AHCYL2: variants seen among roughly 807,000 people sequenced by gnomAD.
The protein encoded by AHCYL2 is S-adenosylhomocysteine hydrolase-like protein 2.
In AHCYL2, 28 loss-of-function variants were observed where a neutral mutation model predicts 81.4. The observed-to-expected ratio is 0.34, with a 90% CI of 0.25 to 0.47. The LOEUF is 0.47. Ranked by LOEUF, AHCYL2 falls within the 20% of genes least tolerant of loss-of-function variation. The probability of loss-of-function intolerance (pLI) is 1.00; values close to 1 mark genes in which losing one functional copy is unlikely to be tolerated. For synonymous variants in AHCYL2, 272 were observed against 290.2 expected (o/e 0.94, Z 0.64); for missense variants, 551 against 785.1 (o/e 0.70, Z 3.56).
chr7:129,357,880 G>A (rs555675356), intron 1 of AHCYL2, among the ~76,000 whole-genome samples: 1 of 151,090 alleles, frequency 6.6e-6, no homozygotes, highest in Non-Finnish European at 1.5e-5. Flanking sequence ...CTTGCAGTGA[G>A]CTGAGATCAG....
intron 1 of AHCYL2, among the ~76,000 whole-genome samples, chr7:129,245,738 G>T (rs886665739): frequency 1.3e-5 from 2 of 152,018 alleles, no homozygotes; most frequent in Non-Finnish European, 2.9e-5. Flanking sequence ...ACCACATTTT[G>T]TTTATTCATT....
At chr7:129,422,313 A>G (rs1797153176) in intron 12 of AHCYL2, among the ~76,000 whole-genome samples, 1 of 152,218 alleles carries the variant, frequency 6.6e-6, no homozygotes, top group African/African-American at 2.4e-5. Flanking sequence ...ACCTTCGGAT[A>G]TGAGGGCAGA....
intron 1 of AHCYL2, among the ~76,000 whole-genome samples, chr7:129,305,795 C>A (rs1797420011): frequency 6.6e-6 from 1 of 152,168 alleles, no homozygotes; most frequent in Admixed American, 6.5e-5. Context: ...TTGATGAAAT[C>A]CTTTAGCTTT....
intron 1 of AHCYL2, among the ~76,000 whole-genome samples, chr7:129,255,657 T>G (rs1795392714): frequency 6.6e-6 from 1 of 152,214 alleles, no homozygotes; most frequent in Admixed American, 6.5e-5. Context: ...AGGCCTGGGT[T>G]GATGAACTCA....
rs1001657979 is a variant in AHCYL2 at position 129,263,686 on chromosome 7, G to A, written c.363+38247G>A. ...TTTCCTTTGTGTCTGTAAGCTAATA[G>A]GAGAGTGTCATGATCAGATGTGCAT... On this transcript the variant is annotated intron_variant, in intron 1 of 16. Transcript: ENST00000325006. 4.6e-5 allele frequency among the ~76,000 whole-genome samples: 7 copies of A among 152,326 alleles called. No homozygotes were observed. In the East Asian group the frequency reaches 1.2e-3, roughly 25 times the overall value.
At chr7:129,328,646 CA>C (rs1380910090) in intron 1 of AHCYL2, among the ~76,000 whole-genome samples, 1 of 152,068 alleles carries the variant, frequency 6.6e-6, no homozygotes, top group Non-Finnish European at 1.5e-5. Context: ...CACTACCACC[CA>C]ACTAATTTTT....
intron 1 of AHCYL2, among the ~76,000 whole-genome samples, chr7:129,341,009 G>A (rs1036110581): frequency 4.6e-5 from 7 of 152,124 alleles, no homozygotes; most frequent in African/African-American, 1.7e-4. Context: ...TTGGAATCAA[G>A]GTTATGCTGG....
intron 1 of AHCYL2, among the ~76,000 whole-genome samples, chr7:129,371,243 G>T: frequency 6.6e-6 from 1 of 152,200 alleles, no homozygotes; most frequent in Non-Finnish European, 1.5e-5. Flanking sequence ...GGAAATATGA[G>T]AAGTCTCTCA....
rs192826320 is a variant in AHCYL2, at chr7:129,273,996, T to C, written c.363+48557T>C. Among the ~76,000 whole-genome samples the C allele has an allele frequency of 2.8e-3, 432 of 152,302 alleles. 4 individuals carry two copies. The highest frequency in any genetic ancestry group is 9.8e-3 in the African/African-American group (407 of 41,574). ...ATTGCAAAAATTAACCCATCTCTTA[T>C]GTAAAAAGAAGGTTAATTCAGAAAC... On this transcript the variant is annotated intron_variant, in intron 1 of 16. Transcript: ENST00000325006.
chr7:129,306,950 G>A (rs1237994476), intron 1 of AHCYL2, among the ~76,000 whole-genome samples: 3 of 152,090 alleles, frequency 2.0e-5, no homozygotes, highest in South Asian at 2.1e-4. Flanking sequence ...CCAAACAAAC[G>A]GAGTCTCTCT....
At chr7:129,313,084 G>C (rs1377349269) in intron 1 of AHCYL2, among the ~76,000 whole-genome samples, 1 of 152,090 alleles carries the variant, frequency 6.6e-6, no homozygotes, top group East Asian at 1.9e-4. Flanking sequence ...AGCTGTACAA[G>C]GGCAGGGATT....
At chr7:129,383,531 A>G (rs1294746331) in intron 2 of AHCYL2, among the ~76,000 whole-genome samples, 6 of 152,170 alleles carry the variant, frequency 3.9e-5, no homozygotes, top group African/African-American at 7.2e-5. Context: ...TCTTCAGTCT[A>G]TTCTCAACAC....
intron 1 of AHCYL2, among the ~76,000 whole-genome samples, chr7:129,356,807 C>G (rs1192431480): frequency 3.3e-5 from 5 of 152,180 alleles, no homozygotes; most frequent in African/African-American, 1.2e-4. Flanking sequence ...AAAAGTTTGT[C>G]AAAAGTCACA....
intron 1 of AHCYL2, among the ~76,000 whole-genome samples, chr7:129,341,661 G>A (rs1793190008): frequency 6.6e-6 from 1 of 152,152 alleles, no homozygotes; most frequent in African/African-American, 2.4e-5. Context: ...GGAGGTGGGA[G>A]GCAGATGAAG....
chr7:129,389,913 G>A (rs572759814), intron 4 of AHCYL2, among the ~76,000 whole-genome samples, 179 bp downstream of exon 4: 1 of 152,248 alleles, frequency 6.6e-6, no homozygotes, highest in Admixed American at 6.5e-5. Flanking sequence ...AGAAGCTGAG[G>A]CTCAGAGGGC....
At chr7:129,383,976 A>G (rs1055542565) in intron 2 of AHCYL2, among the ~76,000 whole-genome samples, 5 of 152,178 alleles carry the variant, frequency 3.3e-5, no homozygotes, top group African/African-American at 1.2e-4. Flanking sequence ...TTGCTAAGAC[A>G]ACAGATTTTA....
chr7:129,287,741 G>A (rs1289484705), intron 1 of AHCYL2, among the ~76,000 whole-genome samples: 2 of 152,198 alleles, frequency 1.3e-5, no homozygotes, highest in Non-Finnish European at 2.9e-5. Context: ...ATTAGTACTT[G>A]TGATACACAG....
chr7:129,362,253 G>A (rs1239586464), intron 1 of AHCYL2, among the ~76,000 whole-genome samples: 1 of 152,142 alleles, frequency 6.6e-6, no homozygotes, highest in African/African-American at 2.4e-5. Flanking sequence ...TCAAACCCAA[G>A]TCTATTCAAC....
rs71162592 is a variant in AHCYL2 at position 129,299,369 on chromosome 7, G to GTT, written c.363+73971_363+73972dup. Among the ~76,000 whole-genome samples, 50 of 46,308 alleles carry GTT rather than the reference G, an allele frequency of 1.1e-3. 10 individuals are homozygous for GTT. Among genetic ancestry groups the GTT allele is most frequent in the East Asian group, 4.5e-3 (5 of 1,104 alleles). The allele number at this position is 46,308 out of a possible 152,430, so 30.4% of individuals were successfully genotyped here. A position where few individuals can be genotyped will look rare whatever the true frequency, so the allele number is the denominator to read the frequency against. ...AGGCTGAGGTGGGAGAGTCCAACTT[G>GTT]TTTTTTTTTTTTTTTTTTTTTTTTT... is the stretch of plus-strand genomic sequence containing the variant. On this transcript the variant is annotated intron_variant, in intron 1 of 16. Coordinates refer to ENST00000325006, the MANE Select transcript of AHCYL2 (RefSeq NM_015328.4).
Sources: allele counts gnomAD v4.1 joint callset (sites outside exome capture counted in the v4.1 genomes callset), GRCh38; gene constraint gnomAD v4.1.1; transcripts MANE v1.5; gene names NCBI Gene and HGNC (gene_info 2026-07-23, HGNC 2026-07-21).